The following TMPRSS11D variants were observed in gnomAD, a reference collection of about 807,000 sequenced individuals.
TMPRSS11D encodes the protein transmembrane serine protease 11D.
In TMPRSS11D, 32 loss-of-function variants were observed where a neutral mutation model predicts 44.4. The observed-to-expected ratio is 0.72, with a 90% CI of 0.54 to 0.97. The LOEUF is 0.97. Among genes scored for constraint, TMPRSS11D ranks in the 50% least tolerant of loss-of-function variants. The pLI is 0.00. For missense variants in TMPRSS11D, 446 were observed against 502.6 expected (o/e 0.89, Z 1.08); for synonymous variants, 179 against 177.9 (o/e 1.01, Z -0.05).
intron 1 of TMPRSS11D, among the ~76,000 whole-genome samples, chr4:67,878,222 T>C (rs1442784071): frequency 6.6e-6 from 1 of 152,216 alleles, no homozygotes; most frequent in Non-Finnish European, 1.5e-5. Flanking sequence ...TCTAGACTGG[T>C]TTAGTTTTCA....
chr4:67,835,402 T>G (rs1358750469), intron 5 of TMPRSS11D, among the ~76,000 whole-genome samples: 1 of 152,142 alleles, frequency 6.6e-6, no homozygotes, highest in East Asian at 1.9e-4. Flanking sequence ...TTAATAGATA[T>G]CTCTTTTTTC....
chr4:67,827,156 TAGA>T lies in TMPRSS11D; in HGVS notation c.952+102_952+104del, dbSNP rs561614713. On this transcript the variant is annotated intron_variant, in intron 8 of 9. Transcript: ENST00000283916. Reference sequence around the variant, plus strand: ...GCAGAATATAGAATGGTTCTGTCTGTAGAAGAATAGAAACACCTATTCCAGATG... The same window carrying T: ...GCAGAATATAGAATGGTTCTGTCTGTAGAATAGAAACACCTATTCCAGATG... 959 of 1,434,902 alleles carry T rather than the reference TAGA, an allele frequency of 6.7e-4. 9 individuals are homozygous for T. The South Asian group carries it at 0.013, about 20-fold the overall frequency. The allele number at this position is 1,434,902 out of a possible 1,614,324, so 88.9% of individuals were successfully genotyped here.
In TMPRSS11D at chr4:67,834,924, T is replaced by C. The variant is rs906678033; in HGVS notation, c.514+159A>G. Among the ~76,000 whole-genome samples the C allele has an allele frequency of 7.2e-5, 11 of 152,232 alleles. No homozygotes were observed. In the South Asian group the frequency reaches 2.3e-3, roughly 32 times the overall value. On this transcript the variant is annotated intron_variant, in intron 6 of 9. Transcript: ENST00000283916. ...ACCTAAAGTCCACTCCATGGGACAC[T>C]TGGGATCAGCACTGTCTTGTTTCAA... is the stretch of plus-strand genomic sequence containing the variant.
chr4:67,859,490 C>A (rs1269269543), intron 2 of TMPRSS11D, 67 bp downstream of exon 2: 4 of 1,530,044 alleles, frequency 2.6e-6, no homozygotes, highest in African/African-American at 1.4e-5. Flanking sequence ...AGAAAGAATG[C>A]CAGACTTTAA....
intron 1 of TMPRSS11D, among the ~76,000 whole-genome samples, chr4:67,878,429 C>A (rs563756353): frequency 6.6e-6 from 1 of 152,184 alleles, no homozygotes; most frequent in South Asian, 2.1e-4. Flanking sequence ...TCTTGATTAC[C>A]CAAAGTCCTT....
chr4:67,821,296 G>C lies in TMPRSS11D; in HGVS notation c.*1041C>G, dbSNP rs1717629216. 6.6e-6 allele frequency: 1 copy of C among 152,062 alleles called. No individual in the cohort carries two copies. The highest frequency in any genetic ancestry group is 1.5e-5 in the Non-Finnish European group (1 of 68,006). The allele number at this position is 152,062 out of a possible 1,614,324, so 9.4% of individuals were successfully genotyped here. On this transcript the variant is annotated 3_prime_UTR_variant, in exon 10 of 10. Transcript: ENST00000283916. ...AGAGAAAGAAAATGAGAGAGGAAGA[G>C]TGACAAAGTTTTTTCTGTCTTCAGG...
At chr4:67,837,095 C>A (rs1718108472) in intron 5 of TMPRSS11D, among the ~76,000 whole-genome samples, 1 of 152,118 alleles carries the variant, frequency 6.6e-6, no homozygotes, top group African/African-American at 2.4e-5. Context: ...TCTTTCCCTT[C>A]AACTAGATTA....
intron 3 of TMPRSS11D, among the ~76,000 whole-genome samples, chr4:67,851,995 C>T (rs1718520786): frequency 2.0e-5 from 3 of 152,186 alleles, no homozygotes; most frequent in South Asian, 2.1e-4. Context: ...GCAACTCACA[C>T]CTAATGGTGA....
At chr4:67,876,067 T>C (rs1719183677) in intron 1 of TMPRSS11D, among the ~76,000 whole-genome samples, 1 of 152,226 alleles carries the variant, frequency 6.6e-6, no homozygotes, top group Admixed American at 6.5e-5. Context: ...CTCTTTCTTC[T>C]CTTTTTATAT....
chr4:67,842,181 T>C (rs574844171), intron 4 of TMPRSS11D, among the ~76,000 whole-genome samples: 21 of 152,306 alleles, frequency 1.4e-4, no homozygotes, highest in African/African-American at 4.1e-4. Flanking sequence ...CATAGTGTCT[T>C]GATCTTGGAT....
intron 7 of TMPRSS11D, 81 bp from the exon 8 acceptor site, chr4:67,827,601 TACCACTATCTAGAA>T (rs1437852677): frequency 5.7e-6 from 8 of 1,401,502 alleles, no homozygotes; most frequent in Non-Finnish European, 7.6e-6. Flanking sequence ...AGCCATCCTG[TACCACTATCTAGAA>T]ACTATTGGAT....
chr4:67,857,012 A>G (rs1377675154), intron 2 of TMPRSS11D, among the ~76,000 whole-genome samples: 1 of 152,076 alleles, frequency 6.6e-6, no homozygotes, highest in African/African-American at 2.4e-5. Context: ...CAGAGAGAAG[A>G]GAATTCTTAT....
rs1170612999 is a variant in TMPRSS11D, at chr4:67,825,873, G to T, written c.954C>A (p.Gly318=). Residue 318 remains glycine, a splice_region_variant and synonymous_variant, in exon 9 of 10, where the codon GGC becomes GGA. Transcript: ENST00000283916. ...CTTGCCTTAGCTCTGGAACTGTGTG[G>T]CCTGTTTGTTATAAAAGCAGGAAAA... ...VTGWGAQEYA[G]HTVPELRQGQ... 3.7e-6 allele frequency: 6 copies of T among 1,605,894 alleles called. No homozygotes were observed. The highest frequency in any genetic ancestry group is 2.2e-5 in the East Asian group (1 of 44,796).
intron 3 of TMPRSS11D, among the ~76,000 whole-genome samples, chr4:67,851,899 T>C (rs1244917434): frequency 6.6e-6 from 1 of 152,176 alleles, no homozygotes; most frequent in Non-Finnish European, 1.5e-5. Context: ...TGGCGCCTGG[T>C]GTATCTCTGG....
intron 6 of TMPRSS11D, among the ~76,000 whole-genome samples, chr4:67,834,508 C>G (rs1423406376): frequency 1.3e-5 from 2 of 150,250 alleles, no homozygotes; most frequent in African/African-American, 5.0e-5. Context: ...TAATTTTTAA[C>G]TGCATTTTTT....
intron 3 of TMPRSS11D, among the ~76,000 whole-genome samples, chr4:67,851,654 C>T (rs1000518427): frequency 3.3e-5 from 5 of 152,172 alleles, no homozygotes; most frequent in Non-Finnish European, 5.9e-5. Context: ...GGCATCCATT[C>T]CTTTCCCCAC....
At position 67,821,611 on chromosome 4, in the gene TMPRSS11D, C is replaced by G. The variant is rs1281092739; in HGVS notation, c.*726G>C. 6.6e-6 allele frequency: 1 copy of G among 151,974 alleles called. No homozygotes were observed. Among genetic ancestry groups the G allele is most frequent in the African/African-American group, 2.4e-5 (1 of 41,378 alleles). The allele number at this position is 151,974 out of a possible 1,614,324, so 9.4% of individuals were successfully genotyped here. On this transcript the variant is annotated 3_prime_UTR_variant, in exon 10 of 10. Transcript: ENST00000283916. ...TCTCTATAAAATAGATATAGTCTCTCCTTTATGTAGATGAGTGATATTTTT... is the reference window on the plus strand; with the variant it reads ...TCTCTATAAAATAGATATAGTCTCTGCTTTATGTAGATGAGTGATATTTTT...
intron 2 of TMPRSS11D, among the ~76,000 whole-genome samples, chr4:67,857,285 A>G (rs1455716303): frequency 1.4e-3 from 3 of 2,154 alleles, no homozygotes; most frequent in African/African-American, 3.6e-3. Flanking sequence ...ATATATATAT[A>G]TATATATATA....
intron 3 of TMPRSS11D, among the ~76,000 whole-genome samples, chr4:67,849,490 G>A (rs1355168078): frequency 6.6e-6 from 1 of 152,096 alleles, no homozygotes; most frequent in Non-Finnish European, 1.5e-5. Flanking sequence ...ATATTTAATG[G>A]CAGTGTAGAG....
Sources: allele counts gnomAD v4.1 joint callset (sites outside exome capture counted in the v4.1 genomes callset), GRCh38; gene constraint gnomAD v4.1.1; transcripts MANE v1.5; gene names NCBI Gene and HGNC (gene_info 2026-07-23, HGNC 2026-07-21).